Variants in LSAMP observed in about 807,000 individuals in gnomAD.
LSAMP encodes limbic system-associated membrane protein.
LSAMP carries 7 observed loss-of-function variants against 38.6 expected under a neutral mutation model. The observed-to-expected ratio is 0.18, with a 90% confidence interval of 0.10 to 0.34. LSAMP has a LOEUF of 0.34. Ranked by LOEUF, LSAMP falls within the 10% of genes least tolerant of loss-of-function variation. The pLI, the probability that LSAMP is intolerant of heterozygous loss-of-function variation, is 1.00. For missense variants in LSAMP, 313 were observed against 420.0 expected (o/e 0.75, Z 2.23); for synonymous variants, 154 against 166.8 (o/e 0.92, Z 0.59).
chr3:116,037,611 TATGC>T (rs1941075409), intron 2 of LSAMP, among the ~76,000 whole-genome samples: 1 of 152,160 alleles, frequency 6.6e-6, no homozygotes, highest in Admixed American at 6.6e-5. Context: ...ATTGGGTATA[TATGC>T]TTAGAATATT....
At chr3:116,388,304 G>A (rs982995230) in intron 1 of LSAMP, among the ~76,000 whole-genome samples, 3 of 152,236 alleles carry the variant, frequency 2.0e-5, no homozygotes, top group South Asian at 4.1e-4. Context: ...AGGAAAAGGT[G>A]GAGGGAGTGA....
chr3:116,195,525 A>G (rs1207315896), intron 1 of LSAMP, among the ~76,000 whole-genome samples: 1 of 152,204 alleles, frequency 6.6e-6, no homozygotes, highest in African/African-American at 2.4e-5. Context: ...TGGTATGACA[A>G]TAAACCAACA....
chr3:116,422,555 G>A (rs985953842), intron 1 of LSAMP, among the ~76,000 whole-genome samples: 11 of 152,156 alleles, frequency 7.2e-5, no homozygotes, highest in Admixed American at 2.6e-4. Context: ...TATAGAAACA[G>A]AAAGTAAGTT....
intron 1 of LSAMP, among the ~76,000 whole-genome samples, chr3:116,317,671 C>T (rs1038564290): frequency 6.6e-6 from 1 of 151,624 alleles, no homozygotes; most frequent in Non-Finnish European, 1.5e-5. Context: ...ACAGCCCAAT[C>T]TCATCTGCAT....
chr3:115,963,337 G>A (rs558390908), intron 3 of LSAMP, among the ~76,000 whole-genome samples: 1 of 152,180 alleles, frequency 6.6e-6, no homozygotes, highest in South Asian at 2.1e-4. Flanking sequence ...TTTGAGAATT[G>A]CCTTCACATG....
intron 3 of LSAMP, among the ~76,000 whole-genome samples, chr3:115,857,810 T>C (rs1453374453): frequency 6.6e-6 from 1 of 152,198 alleles, no homozygotes; most frequent in Non-Finnish European, 1.5e-5. Context: ...GTTCTTTTAA[T>C]ATTTCTTCAT....
At chr3:115,986,414 G>T (rs1939510120) in intron 3 of LSAMP, among the ~76,000 whole-genome samples, 1 of 151,962 alleles carries the variant, frequency 6.6e-6, no homozygotes, top group South Asian at 2.1e-4. Flanking sequence ...TATATCTTAG[G>T]GATACATATA....
At chr3:116,180,214 A>G (rs1442042582) in intron 1 of LSAMP, among the ~76,000 whole-genome samples, 8 of 152,260 alleles carry the variant, frequency 5.3e-5, no homozygotes, top group South Asian at 2.1e-4. Context: ...CTCTGCTCTC[A>G]TGGAACTTAG....
chr3:115,836,741 G>A (rs1934803109), intron 6 of LSAMP, among the ~76,000 whole-genome samples: 1 of 152,204 alleles, frequency 6.6e-6, no homozygotes, highest in African/African-American at 2.4e-5. Context: ...CTACATGTGG[G>A]TAGATAGCAG....
intron 2 of LSAMP, among the ~76,000 whole-genome samples, chr3:116,078,751 G>A (rs113889942): frequency 1.3e-3 from 200 of 152,226 alleles, no homozygotes; most frequent in African/African-American, 4.4e-3. Flanking sequence ...GCTGGCTTCC[G>A]TGTACTTTTG....
intron 4 of LSAMP, among the ~76,000 whole-genome samples, chr3:115,845,275 T>A (rs1330165145): frequency 1.3e-5 from 2 of 152,220 alleles, no homozygotes; most frequent in Non-Finnish European, 1.5e-5. Context: ...CTCCATAATC[T>A]GTAGCACATT....
At chr3:115,819,637 C>T (rs1464198965) in intron 6 of LSAMP, among the ~76,000 whole-genome samples, 1 of 152,032 alleles carries the variant, frequency 6.6e-6, no homozygotes, top group Non-Finnish European at 1.5e-5. Context: ...TAAAAAATTC[C>T]CAAATATTCT....
chr3:115,875,212 A>G (rs1576174119), intron 3 of LSAMP, among the ~76,000 whole-genome samples: 2 of 152,136 alleles, frequency 1.3e-5, no homozygotes, highest in African/African-American at 4.8e-5. Context: ...CCTTTCCATC[A>G]GAAGAAGCGA....
intron 1 of LSAMP, among the ~76,000 whole-genome samples, chr3:116,087,163 G>C (rs1173550791): frequency 6.6e-6 from 1 of 152,168 alleles, no homozygotes; most frequent in Non-Finnish European, 1.5e-5. Flanking sequence ...CATAAGTTTG[G>C]TTCCAGCTGC....
At chr3:116,135,531 T>C (rs1709228786) in intron 1 of LSAMP, among the ~76,000 whole-genome samples, 1 of 152,166 alleles carries the variant, frequency 6.6e-6, no homozygotes. Flanking sequence ...AAGTCACAGA[T>C]GACAGAAACC....
At chr3:116,269,616 A>G (rs2046942663) in intron 1 of LSAMP, among the ~76,000 whole-genome samples, 2 of 152,142 alleles carry the variant, frequency 1.3e-5, no homozygotes, top group Admixed American at 6.6e-5. Context: ...AGCCATATAA[A>G]TAAGTGACCA....
intron 2 of LSAMP, among the ~76,000 whole-genome samples, chr3:116,034,272 C>T (rs1026699014): frequency 2.0e-5 from 3 of 152,124 alleles, no homozygotes; most frequent in South Asian, 2.1e-4. Context: ...CTGTTTTTAT[C>T]GGTTCCAAAC....
intron 3 of LSAMP, among the ~76,000 whole-genome samples, chr3:115,977,486 T>C (rs1227553610): frequency 4.6e-5 from 7 of 152,192 alleles, no homozygotes; most frequent in Admixed American, 4.6e-4. Flanking sequence ...CTGCCAGACA[T>C]GGCCAGTCAC....
intron 3 of LSAMP, among the ~76,000 whole-genome samples, chr3:115,910,660 G>A (rs762778381): frequency 2.6e-4 from 39 of 152,232 alleles, no homozygotes; most frequent in Non-Finnish European, 4.9e-4. Context: ...CAAGGATCCT[G>A]CATATTGTTC....
Sources: allele counts gnomAD v4.1 joint callset (sites outside exome capture counted in the v4.1 genomes callset), GRCh38; gene constraint gnomAD v4.1.1; transcripts MANE v1.5; gene names NCBI Gene and HGNC (gene_info 2026-07-23, HGNC 2026-07-21).